CNTN5: variants seen among roughly 807,000 people sequenced by gnomAD.
CNTN5 encodes contactin 5, also known as contactin-5.
CNTN5 carries 77 observed loss-of-function variants against 129.1 expected under a neutral mutation model. The ratio of observed to expected loss-of-function variants is 0.60; its 90% confidence interval spans 0.50 to 0.72. CNTN5 has a LOEUF of 0.72. Ranked by LOEUF, CNTN5 falls within the 30% of genes least tolerant of loss-of-function variation. The pLI, the probability that CNTN5 is intolerant of heterozygous loss-of-function variation, is 0.00. For synonymous variants in CNTN5, 509 were observed against 465.6 expected, an observed-to-expected ratio of 1.09 and a Z score of -1.20; for missense variants, 1,478 against 1,328.8, an observed-to-expected ratio of 1.11 and a Z score of -1.75.
chr11:99,802,378 G>A (rs755430825), intron 3 of CNTN5, among the ~76,000 whole-genome samples: 13 of 152,134 alleles, frequency 8.5e-5, no homozygotes, highest in Non-Finnish European at 1.3e-4. Flanking sequence ...GGGGAAAGAT[G>A]TGCTTGTCCA....
intron 6 of CNTN5, among the ~76,000 whole-genome samples, chr11:99,872,819 C>T (rs1381761923): frequency 1.8e-4 from 28 of 152,144 alleles, no homozygotes; most frequent in Admixed American, 1.7e-3. Context: ...GACATACTGT[C>T]CTTAATAGCA....
intron 2 of CNTN5, among the ~76,000 whole-genome samples, chr11:99,516,158 A>G (rs78098732): frequency 0.066 from 10,093 of 152,116 alleles, 364 homozygotes; most frequent in African/African-American, 0.098. Context: ...CTTATTTACA[A>G]TACTCATAAA....
At chr11:99,038,190 G>C (rs1863836583) in intron 1 of CNTN5, among the ~76,000 whole-genome samples, 1 of 151,994 alleles carries the variant, frequency 6.6e-6, no homozygotes, top group Non-Finnish European at 1.5e-5. Context: ...ACATCAATAA[G>C]ACTAATTATT....
At chr11:99,135,319 G>T (rs2135446500) in intron 1 of CNTN5, among the ~76,000 whole-genome samples, 1 of 152,150 alleles carries the variant, frequency 6.6e-6, no homozygotes, top group Middle Eastern at 3.4e-3. Flanking sequence ...TAAATAGAGG[G>T]ATATGATAGA....
intron 10 of CNTN5, among the ~76,000 whole-genome samples, chr11:100,062,337 A>C (rs1326493955): frequency 6.6e-6 from 1 of 152,198 alleles, no homozygotes; most frequent in Non-Finnish European, 1.5e-5. Flanking sequence ...GGAACTCCTA[A>C]AGAGTATTTT....
chr11:99,303,460 G>C (rs1343724936), intron 1 of CNTN5, among the ~76,000 whole-genome samples: 2 of 150,816 alleles, frequency 1.3e-5, no homozygotes, highest in Non-Finnish European at 3.0e-5. Context: ...ATGCAAATTA[G>C]AGCAAATGAT....
At position 99,179,273 on chromosome 11, in the gene CNTN5, C is replaced by G. The variant is rs369386702; in HGVS notation, c.-209-146073C>G. Among the ~76,000 whole-genome samples the G allele has an allele frequency of 8.5e-5, 13 of 152,116 alleles. No homozygotes were observed. The South Asian group carries it at 2.3e-3, about 27-fold the overall frequency. On this transcript the variant is annotated intron_variant, in intron 1 of 24. Transcript: ENST00000524871. ...CCTGGCCAACATGGTGAAACCCCATCTCTACTAAAAATACAAAAATTAGCC... is the reference window on the plus strand; with the variant it reads ...CCTGGCCAACATGGTGAAACCCCATGTCTACTAAAAATACAAAAATTAGCC...
At chr11:100,230,713 CA>C (rs1949469570) in intron 16 of CNTN5, among the ~76,000 whole-genome samples, 1 of 152,158 alleles carries the variant, frequency 6.6e-6, no homozygotes, top group Non-Finnish European at 1.5e-5. Flanking sequence ...GAGTGCCTGC[CA>C]AAAGCCAGAC....
chr11:100,298,223 C>T (rs1005534953), intron 19 of CNTN5, among the ~76,000 whole-genome samples: 2 of 151,346 alleles, frequency 1.3e-5, no homozygotes, highest in African/African-American at 4.8e-5. Context: ...TCTCTAAGAA[C>T]AATGAGAAAG....
At chr11:99,669,478 G>A (rs1337667919) in intron 3 of CNTN5, among the ~76,000 whole-genome samples, 1 of 122,754 alleles carries the variant, frequency 8.1e-6, no homozygotes, top group African/African-American at 2.9e-5. Context: ...GTGTGTATAT[G>A]TGTATACATA....
chr11:100,123,070 A>G (rs1946078581), intron 13 of CNTN5, among the ~76,000 whole-genome samples: 1 of 152,032 alleles, frequency 6.6e-6, no homozygotes, highest in Non-Finnish European at 1.5e-5. Context: ...TTTAAGGACC[A>G]AAACATTATA....
chr11:100,017,320 G>A (rs1472293948), intron 9 of CNTN5, among the ~76,000 whole-genome samples: 2 of 151,940 alleles, frequency 1.3e-5, no homozygotes, highest in African/African-American at 4.8e-5. Context: ...GCCACATTCT[G>A]TTGAGAGAAA....
chr11:99,633,092 C>T (rs1474691695), intron 3 of CNTN5, among the ~76,000 whole-genome samples: 1 of 152,006 alleles, frequency 6.6e-6, no homozygotes, highest in Non-Finnish European at 1.5e-5. Flanking sequence ...GAATCAGCTC[C>T]CATTTGAAAC....
At chr11:100,217,339 A>T (rs1041766055) in intron 15 of CNTN5, among the ~76,000 whole-genome samples, 1 of 152,202 alleles carries the variant, frequency 6.6e-6, no homozygotes, top group Non-Finnish European at 1.5e-5. Context: ...CATGCTTGCT[A>T]TGATAAAGAA....
intron 1 of CNTN5, among the ~76,000 whole-genome samples, chr11:99,222,300 C>T (rs1860436182): frequency 6.8e-6 from 1 of 147,880 alleles, no homozygotes; most frequent in Non-Finnish European, 1.5e-5. Flanking sequence ...TAGATAAATA[C>T]AATATAAAAG....
At chr11:99,450,150 G>T (rs1411024760) in intron 2 of CNTN5, among the ~76,000 whole-genome samples, 1 of 151,742 alleles carries the variant, frequency 6.6e-6, no homozygotes, top group African/African-American at 2.4e-5. Context: ...ACTGAAAAGA[G>T]CTCATCATAT....
intron 2 of CNTN5, among the ~76,000 whole-genome samples, chr11:99,486,000 T>C (rs1448858500): frequency 1.3e-5 from 2 of 152,098 alleles, no homozygotes; most frequent in Non-Finnish European, 2.9e-5. Context: ...ATGAATCTTC[T>C]GGGCTCAGTT....
At chr11:99,881,070 G>A (rs890012566) in intron 6 of CNTN5, among the ~76,000 whole-genome samples, 1 of 152,142 alleles carries the variant, frequency 6.6e-6, no homozygotes, top group Non-Finnish European at 1.5e-5. Flanking sequence ...CAATTATTTA[G>A]CACACATCTA....
intron 3 of CNTN5, among the ~76,000 whole-genome samples, chr11:99,567,634 T>C (rs976011469): frequency 1.3e-5 from 2 of 152,142 alleles, no homozygotes; most frequent in East Asian, 3.9e-4. Context: ...CCTGCTAATA[T>C]AAATTCTGAC....
Sources: gnomAD v4.1 joint callset for allele counts (sites outside exome capture counted in the v4.1 genomes callset) on GRCh38, gnomAD v4.1.1 for gene constraint, MANE v1.5 for transcripts, NCBI Gene and HGNC (gene_info 2026-07-23, HGNC 2026-07-21) for gene names.